The following ST3GAL1 variants were observed in gnomAD, a reference collection of about 807,000 sequenced individuals.
ST3GAL1 encodes the protein ST3 beta-galactoside alpha-2,3-sialyltransferase 1, also known as CMP-N-acetylneuraminate-beta-galactosamide-alpha-2,3-sialyltransferase 1.
ST3GAL1 carries 16 observed loss-of-function variants against 34.1 expected under a neutral mutation model. The ratio of observed to expected loss-of-function variants is 0.47; its 90% CI spans 0.32 to 0.71. The LOEUF (loss-of-function observed/expected upper bound fraction) is 0.71. ST3GAL1 is among the 30% of genes least tolerant of loss of function. The pLI is 0.04. For missense variants in ST3GAL1, 353 were observed against 447.4 expected (o/e 0.79, Z 1.90); for synonymous variants, 191 against 184.7 (o/e 1.03, Z -0.28).
At chr8:133,541,254 C>A (rs1186974524) in intron 2 of ST3GAL1, among the ~76,000 whole-genome samples, 1 of 151,166 alleles carries the variant, frequency 6.6e-6, no homozygotes, top group Non-Finnish European at 1.5e-5. Flanking sequence ...CAATGCCTGC[C>A]TGAAACCAAC....
intron 5 of ST3GAL1, among the ~76,000 whole-genome samples, chr8:133,471,677 G>C (rs376039982): frequency 1.9e-4 from 29 of 152,248 alleles, no homozygotes; most frequent in African/African-American, 7.0e-4. Context: ...GGGTGACCTG[G>C]TAAGTGCAAA....
chr8:133,512,994 T>C (rs1047070412), intron 2 of ST3GAL1, among the ~76,000 whole-genome samples: 16 of 152,264 alleles, frequency 1.1e-4, no homozygotes, highest in Admixed American at 1.0e-3. Flanking sequence ...ATGGCTTCCA[T>C]AGAAGGAAGC....
rs1230941928 is a variant in ST3GAL1, at chr8:133,466,700, C to T, written c.307-610G>A. On this transcript the variant is annotated intron_variant, in intron 5 of 9. Coordinates refer to ENST00000522652, the MANE Select transcript of ST3GAL1 (RefSeq NM_173344.3). This position sits in a 1 kb window ranked among gnomAD's most constrained non-coding sequence, Gnocchi z 4.4. ...CATCTTTCCTGCCTGACCCTCAGTT[C>T]CCCCGGCCCCAGCACTGCTGGGCTC... Among the ~76,000 whole-genome samples the T allele has an allele frequency of 6.6e-6, 1 of 152,156 alleles. No homozygotes were observed. The highest frequency in any genetic ancestry group is 1.5e-5 in the Non-Finnish European group (1 of 68,034).
intron 1 of ST3GAL1, among the ~76,000 whole-genome samples, chr8:133,565,193 G>GTGTGTC (rs1226258487): frequency 1.3e-5 from 2 of 150,740 alleles, no homozygotes; most frequent in African/African-American, 2.5e-5. Flanking sequence ...GTGTGTGTGT[G>GTGTGTC]TCTCCTCCAG....
chr8:133,540,984 T>TATATAGACATATATAGAC (rs1197530280), intron 2 of ST3GAL1, among the ~76,000 whole-genome samples: 13 of 86,638 alleles, frequency 1.5e-4, no homozygotes, highest in African/African-American at 5.1e-4. Flanking sequence ...TATGCAGACA[T>TATATAGACATATATAGAC]ATATATAGAC....
chr8:133,504,883 T>C (rs1817287633), intron 2 of ST3GAL1, among the ~76,000 whole-genome samples: 1 of 151,996 alleles, frequency 6.6e-6, no homozygotes, highest in South Asian at 2.1e-4. Context: ...CAGATTTTTG[T>C]TTTTTCGGGG....
chr8:133,556,355 C>T lies in ST3GAL1; in HGVS notation c.-581-10429G>A, dbSNP rs1819021686. ...GGTGACTCCAGAGCCTGTCTTCTCC[C>T]CCTGGCCTTGGCCTCCTGGACAGGA... On this transcript the variant is annotated intron_variant, in intron 1 of 9. Coordinates refer to ENST00000522652, the MANE Select transcript of ST3GAL1 (RefSeq NM_173344.3). The surrounding 1 kb of genome is among the most constrained non-coding windows in gnomAD (Gnocchi z 8.9). Among the ~76,000 whole-genome samples the T allele has an allele frequency of 6.6e-6, 1 of 152,206 alleles. No individual in the cohort carries two copies. Among genetic ancestry groups the T allele is most frequent in the South Asian group, 2.1e-4 (1 of 4,836 alleles).
intron 3 of ST3GAL1, among the ~76,000 whole-genome samples, chr8:133,486,335 A>T (rs1816594196): frequency 6.6e-6 from 1 of 152,220 alleles, no homozygotes; most frequent in African/African-American, 2.4e-5. Context: ...TGTGTGGCGC[A>T]GCTCAGGGCC....
chr8:133,459,552 C>T lies in ST3GAL1; in HGVS notation c.*212G>A. ...GGGGGGACGTTGTCCCCACTCAAGA[C>T]AGGTTCCAAGACATGCTCTGCCACG... On this transcript the variant is annotated 3_prime_UTR_variant, in exon 10 of 10. Coordinates refer to ENST00000522652, the MANE Select transcript of ST3GAL1 (RefSeq NM_173344.3). The surrounding 1 kb of genome is among the most constrained non-coding windows in gnomAD (Gnocchi z 4.7). 1 of 486,252 alleles carries T rather than the reference C, an allele frequency of 2.1e-6. No individual in the cohort carries two copies. Among genetic ancestry groups the T allele is most frequent in the Non-Finnish European group, 3.5e-6 (1 of 285,886 alleles). The allele number at this position is 486,252 out of a possible 1,614,324, so 30.1% of individuals were successfully genotyped here.
rs757635296 is a variant in ST3GAL1, at chr8:133,466,137, G to A, written c.307-47C>T. 6.4e-7 allele frequency: 1 copy of A among 1,565,852 alleles called. No individual in the cohort carries two copies. On this transcript the variant is annotated intron_variant, in intron 5 of 9. Coordinates refer to ENST00000522652, the MANE Select transcript of ST3GAL1 (RefSeq NM_173344.3). This position sits in a 1 kb window ranked among gnomAD's most constrained non-coding sequence, Gnocchi z 4.4. ...TGGTCAACCTGGCTTTGTGGCTCCA[G>A]CCTCCTGGCAGCAGAGCCCCTGAGC...
intron 2 of ST3GAL1, among the ~76,000 whole-genome samples, chr8:133,537,246 T>C (rs1818338521): frequency 6.6e-6 from 1 of 152,156 alleles, no homozygotes; most frequent in South Asian, 2.1e-4. Context: ...AGGGGCATGC[T>C]ACCCTCCAGG....
intron 2 of ST3GAL1, among the ~76,000 whole-genome samples, chr8:133,504,141 C>T (rs1563717703): frequency 6.6e-6 from 1 of 152,130 alleles, no homozygotes; most frequent in Non-Finnish European, 1.5e-5. Flanking sequence ...GAGTCTGACT[C>T]CTCTCCCCCT....
intron 1 of ST3GAL1, among the ~76,000 whole-genome samples, chr8:133,555,864 T>TTTG (rs374423978): frequency 2.0e-5 from 3 of 152,154 alleles, no homozygotes; most frequent in African/African-American, 7.2e-5. Flanking sequence ...ACCCATTTTT[T>TTTG]TTGTTGTTGT....
intron 2 of ST3GAL1, among the ~76,000 whole-genome samples, chr8:133,545,355 C>G (rs1400115480): frequency 6.6e-6 from 1 of 152,224 alleles, no homozygotes; most frequent in Admixed American, 6.5e-5. Context: ...GCTTTATTTA[C>G]AAAGGCAGAC....
intron 2 of ST3GAL1, 160 bp from the exon 3 acceptor site, chr8:133,499,349 G>C (rs1483674988): frequency 6.6e-6 from 1 of 152,214 alleles, no homozygotes; most frequent in Non-Finnish European, 1.5e-5. Flanking sequence ...TGTGGGGAGA[G>C]AAGAGAGTCA....
intron 2 of ST3GAL1, among the ~76,000 whole-genome samples, chr8:133,530,680 C>A (rs930853665): frequency 6.6e-6 from 1 of 152,116 alleles, no homozygotes; most frequent in African/African-American, 2.4e-5. Context: ...TTTTCAAAGG[C>A]TAAGGGAATG....
At position 133,466,704 on chromosome 8, in the gene ST3GAL1, C is replaced by T. The variant is rs148242002; in HGVS notation, c.307-614G>A. On this transcript the variant is annotated intron_variant, in intron 5 of 9. Transcript: ENST00000522652. This position sits in a 1 kb window ranked among gnomAD's most constrained non-coding sequence, Gnocchi z 4.4. ...TTTCCTGCCTGACCCTCAGTTCCCC[C>T]GGCCCCAGCACTGCTGGGCTCCAGC... Among the ~76,000 whole-genome samples the T allele has an allele frequency of 7.5e-4, 114 of 152,312 alleles. No homozygotes were observed. In the Middle Eastern group the frequency reaches 0.01, roughly 14 times the overall value.
chr8:133,458,666 G>C lies in ST3GAL1; in HGVS notation c.*1098C>G, dbSNP rs1479561291. 1 of 152,216 alleles carries C rather than the reference G, an allele frequency of 6.6e-6. No homozygotes were observed. Among genetic ancestry groups the C allele is most frequent in the Non-Finnish European group, 1.5e-5 (1 of 68,054 alleles). The allele number at this position is 152,216 out of a possible 1,614,324, so 9.4% of individuals were successfully genotyped here. A position where few individuals can be genotyped will look rare whatever the true frequency, so the allele number is the denominator to read the frequency against. On this transcript the variant is annotated 3_prime_UTR_variant, in exon 10 of 10. Coordinates refer to ENST00000522652, the MANE Select transcript of ST3GAL1 (RefSeq NM_173344.3). ...GATGTTCCCAGCTACGGAGCAAGCAGGGCCGCTGGTGGGGGTCCCTTTTCC... is the reference window on the plus strand; with the variant it reads ...GATGTTCCCAGCTACGGAGCAAGCACGGCCGCTGGTGGGGGTCCCTTTTCC...
intron 3 of ST3GAL1, among the ~76,000 whole-genome samples, chr8:133,491,031 C>T (rs1018321487): frequency 2.0e-5 from 3 of 152,072 alleles, no homozygotes; most frequent in African/African-American, 7.2e-5. Context: ...CTCTTTGCAC[C>T]TTAGTGCCTC....
Sources: allele counts gnomAD v4.1 joint callset (sites outside exome capture counted in the v4.1 genomes callset), GRCh38; gene constraint gnomAD v4.1.1; non-coding constraint Gnocchi (gnomAD v3.1); transcripts MANE v1.5; gene names NCBI Gene and HGNC (gene_info 2026-07-23, HGNC 2026-07-21).